The following SHD variants were observed in gnomAD, a reference collection of about 807,000 sequenced individuals.
The protein encoded by SHD is SH2 domain-containing adapter protein D.
In SHD, 29 loss-of-function variants were observed where a neutral mutation model predicts 31.2. That is an observed-to-expected ratio of 0.93 (90% CI 0.69 to 1.27). SHD has a LOEUF of 1.27. SHD is among the 50% of genes most tolerant of loss of function. The pLI is 0.00. For missense variants in SHD, 520 were observed against 453.8 expected, an observed-to-expected ratio of 1.15 and a Z score of -1.33; for synonymous variants, 208 against 187.8, an observed-to-expected ratio of 1.11 and a Z score of -0.88.
At position 4,289,188 on chromosome 19, in the gene SHD, G is replaced by T. The variant is rs900231173; in HGVS notation, c.836+826G>T. On this transcript the variant is annotated intron_variant, in intron 5 of 5. Transcript: ENST00000543264. ...TGCAGTGGCGCGATCTCGGCTCACT[G>T]CAAGCTCTGCCTCCCGGGTTCACGC... is the stretch of plus-strand genomic sequence containing the variant. Among the ~76,000 whole-genome samples, 163 of 139,504 alleles carry T rather than the reference G, an allele frequency of 1.2e-3. 2 individuals carry two copies. In the Admixed American group the frequency reaches 0.012, roughly 11 times the overall value. The allele number at this position is 139,504 out of a possible 152,430, so 91.5% of individuals were successfully genotyped here.
In SHD at chr19:4,283,055, A is replaced by G; in HGVS notation, c.405A>G (p.Glu135=). 1 of 1,613,652 alleles carries G rather than the reference A, an allele frequency of 6.2e-7. No homozygotes were observed. The highest frequency in any genetic ancestry group is 8.5e-7 in the Non-Finnish European group (1 of 1,179,628). ...TGAACAGTGTCCCTGGCCTCCTAGA[A>G]CTTCCCGGCAGAGGGGTGCAGCTCT... ...EPYDAQWVMS[E]LPGRGVQLYD... Residue 135 remains glutamate, a splice_region_variant and synonymous_variant, in exon 3 of 6, where the codon GAA becomes GAG. Coordinates refer to ENST00000543264, the MANE Select transcript of SHD (RefSeq NM_020209.4).
intron 4 of SHD, among the ~76,000 whole-genome samples, chr19:4,286,892 A>G (rs999390682): frequency 4.0e-5 from 6 of 151,684 alleles, no homozygotes; most frequent in Non-Finnish European, 8.8e-5. Context: ...ATAAAACAAA[A>G]AAACATTAAG....
chr19:4,281,804 G>A (rs1211080965), intron 1 of SHD, among the ~76,000 whole-genome samples: 2 of 152,022 alleles, frequency 1.3e-5, no homozygotes, highest in African/African-American at 4.8e-5. Flanking sequence ...GAAGAGCCAG[G>A]GACTCGAGGA....
intron 5 of SHD, among the ~76,000 whole-genome samples, chr19:4,289,693 C>T (rs1355884664): frequency 1.3e-5 from 2 of 151,554 alleles, no homozygotes; most frequent in African/African-American, 4.8e-5. Context: ...GCCTCAGCCT[C>T]CCGAGTAGCT....
intron 5 of SHD, among the ~76,000 whole-genome samples, chr19:4,289,029 C>T (rs533321323): frequency 5.9e-5 from 9 of 151,312 alleles, no homozygotes; most frequent in African/African-American, 1.7e-4. Context: ...CCAGCTACCT[C>T]GGAGGCTGAG....
chr19:4,280,555 C>G (rs1971247570), intron 1 of SHD, among the ~76,000 whole-genome samples, 195 bp downstream of exon 1: 2 of 152,082 alleles, frequency 1.3e-5, no homozygotes. Context: ...TTGAGACAGT[C>G]TCCCCCTGTC....
intron 4 of SHD, among the ~76,000 whole-genome samples, chr19:4,285,550 C>T (rs1258265974): frequency 2.6e-5 from 4 of 151,868 alleles, no homozygotes; most frequent in Non-Finnish European, 5.9e-5. Flanking sequence ...TTTTTTCTTT[C>T]TCTTCCTCCC....
chr19:4,286,306 T>TCCTA (rs1971316788), intron 4 of SHD, among the ~76,000 whole-genome samples: 1 of 137,496 alleles, frequency 7.3e-6, no homozygotes, highest in Admixed American at 7.5e-5. Flanking sequence ...CTTCCTTCCT[T>TCCTA]CCTTCCTTCC....
At chr19:4,287,604 G>C (rs1458493683) in intron 4 of SHD, among the ~76,000 whole-genome samples, 1 of 151,960 alleles carries the variant, frequency 6.6e-6, no homozygotes, top group Non-Finnish European at 1.5e-5. Context: ...GGCCAACATG[G>C]TGAAACCCCA....
Position 4,282,894 on chromosome 19 carries a change from G to C in SHD, c.322G>C (p.Asp108His). Residue 108 changes from aspartate to histidine, a missense_variant, in exon 2 of 6, where the codon GAC becomes CAC. Transcript: ENST00000543264. ...EELEADTEYL[D>H]PFDAQPHPAP... Reference sequence around the variant, plus strand: ...GCTGGAAGCCGACACTGAGTATTTAGACCCCTTTGATGCTCAGCCTCATCC... The same window carrying C: ...GCTGGAAGCCGACACTGAGTATTTACACCCCTTTGATGCTCAGCCTCATCC... 3.7e-6 allele frequency: 6 copies of C among 1,613,976 alleles called. No individual in the cohort carries two copies. The highest frequency in any genetic ancestry group is 3.4e-6 in the Non-Finnish European group (4 of 1,180,000).
intron 1 of SHD, among the ~76,000 whole-genome samples, chr19:4,282,507 C>T (rs1002433136): frequency 1.6e-4 from 25 of 152,008 alleles, no homozygotes; most frequent in African/African-American, 5.6e-4. Flanking sequence ...GGGCAGATCA[C>T]GAGGTCAGGA....
rs148405058 is a variant in SHD, at chr19:4,286,202, TTTTC to T, written c.716+1326_716+1329del. On this transcript the variant is annotated intron_variant, in intron 4 of 5. Transcript: ENST00000543264. Reference sequence around the variant, plus strand: ...CCACCGCACCTGGCCCGCTCTTTCTTTTTCTTTCTTTCTTTCTTTCTTTCTTTCT... The same window carrying T: ...CCACCGCACCTGGCCCGCTCTTTCTTTTTCTTTCTTTCTTTCTTTCTTTCT... Among the ~76,000 whole-genome samples, 1,025 of 124,538 alleles carry T rather than the reference TTTTC, an allele frequency of 8.2e-3. 7 individuals are homozygous for T. The highest frequency in any genetic ancestry group is 0.028 in the Middle Eastern group (7 of 254). The allele number at this position is 124,538 out of a possible 152,430, so 81.7% of individuals were successfully genotyped here.
intron 3 of SHD, among the ~76,000 whole-genome samples, chr19:4,283,548 A>G (rs1568368624): frequency 6.8e-6 from 1 of 147,708 alleles, no homozygotes; most frequent in African/African-American, 2.6e-5. Context: ...CAGGGGCAGC[A>G]TTTCTTTATT....
intron 5 of SHD, 152 bp from the exon 6 acceptor site, chr19:4,290,295 T>G (rs1971363662): frequency 6.6e-6 from 5 of 762,420 alleles, no homozygotes; most frequent in Non-Finnish European, 1.0e-5. Context: ...ATTACAGGTG[T>G]GAGCGAGTAT....
rs1971243883 is a variant in SHD at position 4,280,265 on chromosome 19, G to C, written c.202G>C (p.Asp68His). The C allele has an allele frequency of 2.5e-6, 4 of 1,613,562 alleles. No individual in the cohort carries two copies. Among genetic ancestry groups the C allele is most frequent in the Non-Finnish European group, 3.4e-6 (4 of 1,179,892 alleles). The stretch of plus-strand genomic sequence containing the variant: ...CCCTGGGGACTCCAAGAACCCCGGA[G>C]ATGCCAAGTATGGTTCTCCCAAGCA... ...AGPGDSKNPG[D>H]AKYGSPKHRL... The change falls in exon 1 of 6, where the codon GAT becomes CAT. Residue 68 changes from aspartate to histidine, a missense_variant. Transcript: ENST00000543264.
chr19:4,288,227 T>C lies in SHD; in HGVS notation c.717-16T>C. ...AGGGAATGGCCCTTGATGAGACATC[T>C]GTCCATACTCGCTAGGTGGTTTCAT... is the stretch of plus-strand genomic sequence containing the variant. On this transcript the variant is annotated splice_polypyrimidine_tract_variant and intron_variant, in intron 4 of 5. Coordinates refer to ENST00000543264, the MANE Select transcript of SHD (RefSeq NM_020209.4). 1 of 1,611,302 alleles carries C rather than the reference T, an allele frequency of 6.2e-7. No individual in the cohort carries two copies. The highest frequency in any genetic ancestry group is 8.5e-7 in the Non-Finnish European group (1 of 1,178,460).
At chr19:4,284,177 C>A (rs368991790) in intron 3 of SHD, among the ~76,000 whole-genome samples, 2 of 151,902 alleles carry the variant, frequency 1.3e-5, no homozygotes, top group South Asian at 4.2e-4. Context: ...TGGTGCATGC[C>A]GGTAATCCCA....
chr19:4,288,309 C>T lies in SHD; in HGVS notation c.783C>T (p.Ser261=). ...TCCTGTCCCTCTGCAAGGAAGGCAG[C>T]TACCTAGTGCGGCTCAGTGAGACCA... ...ESLLSLCKEG[S]YLVRLSETNP... The change falls in exon 5 of 6, where the codon AGC becomes AGT. Residue 261 remains serine, a synonymous_variant. Transcript: ENST00000543264. The T allele has an allele frequency of 1.2e-6, 2 of 1,613,990 alleles. No homozygotes were observed. Among genetic ancestry groups the T allele is most frequent in the African/African-American group, 2.7e-5 (2 of 75,044 alleles).
chr19:4,280,774 G>A (rs1599511045), intron 1 of SHD, among the ~76,000 whole-genome samples: 2 of 152,126 alleles, frequency 1.3e-5, no homozygotes, highest in East Asian at 3.9e-4. Context: ...TGATCCTCCC[G>A]CCTCTGCCTC....
Sources: gnomAD v4.1 joint callset for allele counts (sites outside exome capture counted in the v4.1 genomes callset) on GRCh38, gnomAD v4.1.1 for gene constraint, MANE v1.5 for transcripts, NCBI Gene and HGNC (gene_info 2026-07-23, HGNC 2026-07-21) for gene names.